The following NUMA1 variants were observed in gnomAD, a reference collection of about 807,000 sequenced individuals.
The protein encoded by NUMA1 is SP-H antigen.
A neutral mutation model predicts 237.1 loss-of-function variants in NUMA1; 62 were observed. The ratio of observed to expected loss-of-function variants is 0.26; its 90% CI spans 0.21 to 0.32. The LOEUF is 0.32. NUMA1 is among the 10% of genes least tolerant of loss of function. The probability of loss-of-function intolerance (pLI) is 1.00; values close to 1 mark genes in which losing one functional copy is unlikely to be tolerated. For synonymous variants in NUMA1, 1,028 were observed against 1,066.1 expected (o/e 0.96, Z 0.70); for missense variants, 2,533 against 2,666.5 (o/e 0.95, Z 1.10).
rs369167415 is a variant in NUMA1 at position 72,012,309 on chromosome 11, G to A, written c.4650+92C>T. 1.5e-4 allele frequency: 187 copies of A among 1,211,362 alleles called. No homozygotes were observed. In the African/African-American group the frequency reaches 2.5e-3, roughly 16 times the overall value. 75.0% of individuals were successfully genotyped at this position (1,211,362 alleles called of 1,614,324 possible). A position where few individuals can be genotyped will look rare whatever the true frequency, so the allele number is the denominator to read the frequency against. ...CCCCCTTCACAAACAGTTCACAACA[G>A]GAGCTGGCGGAGGCAAGCTGCAGCC... On this transcript the variant is annotated intron_variant, in intron 16 of 26. Transcript: ENST00000393695.
At chr11:72,005,818 G>C (rs370341988) in intron 22 of NUMA1, 13 of 569,394 alleles carry the variant, frequency 2.3e-5, no homozygotes, top group Admixed American at 3.2e-5. Context: ...TGGGAATCCC[G>C]GGCCCTTAAC....
intron 3 of NUMA1, among the ~76,000 whole-genome samples, chr11:72,034,211 C>T (rs945131482): frequency 4.6e-5 from 7 of 151,978 alleles, no homozygotes; most frequent in Non-Finnish European, 1.0e-4. Context: ...AACTAGCATG[C>T]CCAGGAAGTA....
At chr11:72,024,590 C>T (rs534706196) in intron 4 of NUMA1, 2 of 525,208 alleles carry the variant, frequency 3.8e-6, no homozygotes, top group African/African-American at 3.8e-5. Context: ...AAAGATGGCA[C>T]TCTGCCACCC....
intron 10 of NUMA1, 73 bp from the exon 11 acceptor site, chr11:72,018,586 A>AGTTC: frequency 2.4e-5 from 31 of 1,295,880 alleles, no homozygotes; most frequent in Non-Finnish European, 3.3e-5. Flanking sequence ...GCACAGAACT[A>AGTTC]TGTGCACAAG....
At chr11:72,064,458 G>A (rs913584965) in intron 2 of NUMA1, among the ~76,000 whole-genome samples, 1 of 151,748 alleles carries the variant, frequency 6.6e-6, no homozygotes, top group Non-Finnish European at 1.5e-5. Context: ...ACAGAGCAAG[G>A]CCCCGTCTCT....
chr11:72,067,572 C>G (rs1308076458), intron 2 of NUMA1: 1 of 152,148 alleles, frequency 6.6e-6, no homozygotes, highest in South Asian at 2.1e-4. Flanking sequence ...TGTCTGATCA[C>G]CCAGCTGTGA....
chr11:72,003,835 G>C (rs1955447014), intron 26 of NUMA1, 52 bp downstream of exon 26: 2 of 1,579,840 alleles, frequency 1.3e-6, no homozygotes, highest in African/African-American at 1.3e-5. Context: ...CGGTCTGGGG[G>C]GTGCCCATGC....
intron 7 of NUMA1, among the ~76,000 whole-genome samples, chr11:72,022,011 AAC>A (rs3831387): frequency 5.3e-5 from 8 of 151,962 alleles, no homozygotes; most frequent in East Asian, 1.9e-4. Context: ...GGGGAAAAAA[AAC>A]ACACACACAC....
At chr11:72,006,574 C>T (rs1955728651) in intron 21 of NUMA1, among the ~76,000 whole-genome samples, 1 of 152,154 alleles carries the variant, frequency 6.6e-6, no homozygotes, top group African/African-American at 2.4e-5. Flanking sequence ...AAGTGACTAG[C>T]CCCAAATCAC....
intron 1 of NUMA1, chr11:72,076,734 G>A (rs183934093): frequency 5.9e-5 from 9 of 152,136 alleles, no homozygotes; most frequent in East Asian, 3.9e-4. Flanking sequence ...GCAGGGAGCC[G>A]AGATTGCACC....
Position 72,012,783 on chromosome 11 carries a change from G to T in NUMA1, c.4608+112C>A, listed in dbSNP as rs1590892355. 7.0e-6 allele frequency: 10 copies of T among 1,437,760 alleles called. No individual in the cohort carries two copies. In the East Asian group the frequency reaches 2.3e-4, roughly 33 times the overall value. The allele number at this position is 1,437,760 out of a possible 1,614,324, so 89.1% of individuals were successfully genotyped here. On this transcript the variant is annotated intron_variant, in intron 15 of 26. Coordinates refer to ENST00000393695, the MANE Select transcript of NUMA1 (RefSeq NM_006185.4). Reference sequence around the variant, plus strand: ...TCCTTTTCTGCCACCCAGTGAATGAGGAAAGGCAAGACACTCCAGTGTAGG... The same window carrying T: ...TCCTTTTCTGCCACCCAGTGAATGATGAAAGGCAAGACACTCCAGTGTAGG...
Position 72,013,670 on chromosome 11 carries a change from C to G in NUMA1, c.3833G>C (p.Ser1278Thr), listed in dbSNP as rs755994468. 6.2e-7 allele frequency: 1 copy of G among 1,609,330 alleles called. No individual in the cohort carries two copies. Among genetic ancestry groups the G allele is most frequent in the East Asian group, 2.2e-5 (1 of 44,866 alleles). ...GCGTTCTGCAGCTCTGGCACTGTTGCTGGCTGTCTCTGCCTGCAGCAGGCG... is the reference window on the plus strand; with the variant it reads ...GCGTTCTGCAGCTCTGGCACTGTTGGTGGCTGTCTCTGCCTGCAGCAGGCG... ...RLRLLQAETA[S>T]NSARAAERSS... Residue 1278 changes from serine (S) to threonine (T), a missense_variant, in exon 15 of 27, where the codon AGC (serine) becomes ACC (threonine). Ser to Thr is a moderately conservative substitution (Grantham distance 58). Coordinates refer to ENST00000393695, the MANE Select transcript of NUMA1 (RefSeq NM_006185.4). The surrounding 1 kb of genome is among the most constrained non-coding windows in gnomAD (Gnocchi z 6.8).
chr11:72,048,547 A>T (rs1280471857), intron 2 of NUMA1, among the ~76,000 whole-genome samples: 1 of 151,698 alleles, frequency 6.6e-6, no homozygotes, highest in South Asian at 2.1e-4. Flanking sequence ...AATTTTTTTT[A>T]TTTTTAGTAG....
In NUMA1 at chr11:72,015,020, C is replaced by T; in HGVS notation, c.2483G>A (p.Gly828Asp). ...CATCAGCTGTTCCTGGAACATGGCG[C>T]CATACTGTGCCTCCTCTTGCTGGCT... ...EDSQQEEAQY[G>D]AMFQEQLMTL... Residue 828 changes from glycine (G) to aspartate (D), a missense_variant, in exon 15 of 27, where the codon GGC becomes GAC. Physicochemically the swap from Gly to Asp is moderately conservative, Grantham distance 94 (BLOSUM62 -1). This residue lies in a region of NUMA1 where 1,414 missense variants were observed against 1,508.1 expected (regional missense o/e 0.94). Transcript: ENST00000393695. The surrounding 1 kb of genome is among the most constrained non-coding windows in gnomAD (Gnocchi z 4.0). 1 of 1,614,116 alleles carries T rather than the reference C, an allele frequency of 6.2e-7. No individual in the cohort carries two copies. Among genetic ancestry groups the T allele is most frequent in the Admixed American group, 1.7e-5 (1 of 60,028 alleles).
At chr11:72,034,621 T>C (rs187484014) in intron 3 of NUMA1, among the ~76,000 whole-genome samples, 3 of 151,982 alleles carry the variant, frequency 2.0e-5, no homozygotes, top group Admixed American at 2.0e-4. Context: ...AGCAGGAGAA[T>C]TGCTTGAACC....
chr11:72,048,578 G>A (rs1312522138), intron 2 of NUMA1, among the ~76,000 whole-genome samples: 5 of 152,030 alleles, frequency 3.3e-5, no homozygotes, highest in Non-Finnish European at 5.9e-5. Context: ...TCACCATGTT[G>A]GCCAGGCTGG....
At chr11:72,022,848 A>G (rs1432023102) in intron 6 of NUMA1, among the ~76,000 whole-genome samples, 6 of 152,042 alleles carry the variant, frequency 3.9e-5, no homozygotes, top group Admixed American at 3.9e-4. Flanking sequence ...TTTGTTTCAT[A>G]ATCTCTGTCA....
intron 2 of NUMA1, chr11:72,039,959 G>A (rs1279612856): frequency 6.6e-6 from 1 of 152,000 alleles, no homozygotes; most frequent in Non-Finnish European, 1.5e-5. Flanking sequence ...CTTGCCCTAG[G>A]CTAATAAGCT....
At chr11:72,052,581 C>T (rs1942428051) in intron 2 of NUMA1, among the ~76,000 whole-genome samples, 1 of 152,100 alleles carries the variant, frequency 6.6e-6, no homozygotes, top group Non-Finnish European at 1.5e-5. Flanking sequence ...TCCTGGCCAA[C>T]ATGGTGAAAC....
Sources: gnomAD v4.1 joint callset for allele counts (sites outside exome capture counted in the v4.1 genomes callset) on GRCh38, gnomAD v4.1.1 for gene constraint, gnomAD v4.1.1 regional missense constraint, Gnocchi (gnomAD v3.1) non-coding constraint, MANE v1.5 for transcripts, NCBI Gene and HGNC (gene_info 2026-07-23, HGNC 2026-07-21) for gene names.